The following LUZP2 variants were observed in gnomAD, a reference collection of about 807,000 sequenced individuals.
LUZP2 encodes the protein leucine zipper protein 2.
Under a neutral mutation model 51.6 loss-of-function variants are expected in LUZP2, and 52 were observed. The ratio of observed to expected loss-of-function variants is 1.01; its 90% CI spans 0.81 to 1.27. The LOEUF (loss-of-function observed/expected upper bound fraction) is 1.27. Ranked by LOEUF, LUZP2 falls within the 50% of genes most tolerant of loss-of-function variation. LUZP2 has a pLI of 0.00. For synonymous variants in LUZP2, 154 were observed against 137.3 expected, an observed-to-expected ratio of 1.12 and a Z score of -0.85; for missense variants, 436 against 395.4, an observed-to-expected ratio of 1.10 and a Z score of -0.87.
chr11:24,535,696 C>A (rs10834371), intron 1 of LUZP2, among the ~76,000 whole-genome samples: 63,550 of 142,910 alleles, frequency 0.44, 13,888 homozygotes, highest in African/African-American at 0.54. Flanking sequence ...ATTGAATTCC[C>A]CAAAGACATC....
chr11:24,769,244 GA>G (rs904679291), intron 5 of LUZP2, among the ~76,000 whole-genome samples: 4 of 152,178 alleles, frequency 2.6e-5, no homozygotes, highest in South Asian at 2.1e-4. Context: ...GCAGGGAGTA[GA>G]AGGAGATGGA....
intron 5 of LUZP2, chr11:24,786,772 T>C (rs1042132276): frequency 6.9e-6 from 1 of 145,718 alleles, no homozygotes; most frequent in Non-Finnish European, 1.5e-5. Context: ...TTTGTTTTAA[T>C]GATTAGAAAG....
intron 1 of LUZP2, among the ~76,000 whole-genome samples, chr11:24,526,712 A>T (rs1182494836): frequency 2.0e-5 from 3 of 151,278 alleles, no homozygotes; most frequent in Non-Finnish European, 4.4e-5. Flanking sequence ...ATTTCTATTT[A>T]AGAACCTGTC....
chr11:25,070,011 G>A (rs1035645567), intron 10 of LUZP2, among the ~76,000 whole-genome samples: 1 of 151,568 alleles, frequency 6.6e-6, no homozygotes, highest in Admixed American at 6.6e-5. Context: ...TGTCATCCCC[G>A]TAATATGTGT....
chr11:24,892,680 A>G (rs569150638), intron 5 of LUZP2: 1 of 157,086 alleles, frequency 6.4e-6, no homozygotes, highest in African/African-American at 2.4e-5. Flanking sequence ...TATTTTATAC[A>G]TAAGAGCTAC....
intron 7 of LUZP2, among the ~76,000 whole-genome samples, chr11:24,962,285 G>A (rs944615385): frequency 6.6e-6 from 1 of 152,160 alleles, no homozygotes; most frequent in African/African-American, 2.4e-5. Flanking sequence ...GGCATTCTCT[G>A]TATTTCCCGA....
intron 5 of LUZP2, among the ~76,000 whole-genome samples, chr11:24,787,355 A>G (rs1849279136): frequency 6.6e-6 from 1 of 152,186 alleles, no homozygotes; most frequent in Non-Finnish European, 1.5e-5. Context: ...TAGCAAAGAC[A>G]TAATCATAAA....
At chr11:24,557,255 A>G (rs1851898038) in intron 1 of LUZP2, among the ~76,000 whole-genome samples, 1 of 152,170 alleles carries the variant, frequency 6.6e-6, no homozygotes, top group Non-Finnish European at 1.5e-5. Flanking sequence ...ATAAATAATA[A>G]TATACATTAT....
intron 10 of LUZP2, among the ~76,000 whole-genome samples, chr11:25,070,771 GT>G (rs1401503159): frequency 2.2e-3 from 3 of 1,374 alleles, no homozygotes; most frequent in African/African-American, 5.1e-3. Flanking sequence ...ACTGTGTATG[GT>G]GTGTGTGTGT....
At chr11:24,926,501 A>ATGTGTGTGTGTATATATGTGTATATATG (rs369388590) in intron 7 of LUZP2, among the ~76,000 whole-genome samples, 3 of 135,644 alleles carry the variant, frequency 2.2e-5, no homozygotes, top group Non-Finnish European at 4.7e-5. Context: ...ATGTGTATAT[A>ATGTGTGTGTGTATATATGTGTATATATG]TGTGTGTGTA....
intron 1 of LUZP2, among the ~76,000 whole-genome samples, chr11:24,507,829 G>T (rs1361135324): frequency 6.6e-6 from 1 of 151,948 alleles, no homozygotes; most frequent in Non-Finnish European, 1.5e-5. Context: ...TTAAATGGTG[G>T]TTGGTTTTGC....
chr11:24,759,576 G>A (rs901948305), intron 4 of LUZP2, among the ~76,000 whole-genome samples: 2 of 152,088 alleles, frequency 1.3e-5, no homozygotes, highest in African/African-American at 4.8e-5. Context: ...AACAATGCGT[G>A]CAGTATCCAT....
chr11:24,774,358 CTCTCTA>C (rs1185405852), intron 5 of LUZP2, among the ~76,000 whole-genome samples: 3 of 80,594 alleles, frequency 3.7e-5, no homozygotes, highest in Non-Finnish European at 4.8e-5. Context: ...CTCTCTCTCT[CTCTCTA>C]TATATATATA....
At chr11:25,075,036 T>C (rs753865877) in intron 10 of LUZP2, among the ~76,000 whole-genome samples, 2 of 152,138 alleles carry the variant, frequency 1.3e-5, no homozygotes, top group Admixed American at 6.5e-5. Context: ...TTTCTTACAA[T>C]TAGTTAATTT....
At chr11:24,699,086 A>AACACACAC (rs67317108) in intron 1 of LUZP2, among the ~76,000 whole-genome samples, 3,462 of 138,404 alleles carry the variant, frequency 0.025, 67 homozygotes, top group East Asian at 0.058. Flanking sequence ...AAACCACAGA[A>AACACACAC]ACACACACAC....
intron 1 of LUZP2, among the ~76,000 whole-genome samples, chr11:24,579,307 G>A (rs901160121): frequency 3.9e-5 from 6 of 151,942 alleles, no homozygotes; most frequent in Admixed American, 3.3e-4. Flanking sequence ...TGAGTGAATT[G>A]CAATTTATTA....
chr11:24,873,980 GA>G (rs200786210), intron 5 of LUZP2, among the ~76,000 whole-genome samples: 3 of 121,066 alleles, frequency 2.5e-5, no homozygotes, highest in African/African-American at 5.0e-5. Flanking sequence ...AGCAACCATA[GA>G]AAAAAAAGAT....
chr11:24,688,009 C>G (rs1856947248), intron 1 of LUZP2, among the ~76,000 whole-genome samples: 1 of 152,078 alleles, frequency 6.6e-6, no homozygotes, highest in Admixed American at 6.6e-5. Context: ...CTCTGGCTCT[C>G]TGTCTCTCTT....
chr11:24,902,280 C>G (rs1258158072), intron 5 of LUZP2, among the ~76,000 whole-genome samples: 3 of 151,974 alleles, frequency 2.0e-5, no homozygotes, highest in African/African-American at 7.2e-5. Flanking sequence ...GCCTTGTACC[C>G]AATAGTTATT....
Sources: gnomAD v4.1 joint callset for allele counts (sites outside exome capture counted in the v4.1 genomes callset) on GRCh38, gnomAD v4.1.1 for gene constraint, MANE v1.5 for transcripts, NCBI Gene and HGNC (gene_info 2026-07-23, HGNC 2026-07-21) for gene names.